The following CTNNA3 variants were observed in gnomAD, a reference collection of about 807,000 sequenced individuals.
CTNNA3 encodes catenin alpha-3.
A neutral mutation model predicts 95.7 loss-of-function variants in CTNNA3; 76 were observed. The ratio of observed to expected loss-of-function variants is 0.79; its 90% CI spans 0.66 to 0.96. The LOEUF is 0.96. Ranked by LOEUF, CTNNA3 falls within the 40% of genes least tolerant of loss-of-function variation. The pLI, the probability that CTNNA3 is intolerant of heterozygous loss-of-function variation, is 0.00. For missense variants in CTNNA3, 1,191 were observed against 1,089.8 expected (o/e 1.09, Z -1.31); for synonymous variants, 431 against 374.4 (o/e 1.15, Z -1.74).
intron 7 of CTNNA3, among the ~76,000 whole-genome samples, chr10:66,910,585 C>A (rs984709462): frequency 6.6e-6 from 1 of 152,176 alleles, no homozygotes; most frequent in Non-Finnish European, 1.5e-5. Context: ...TTCAGTACAA[C>A]TAAGACAGTC....
intron 7 of CTNNA3, among the ~76,000 whole-genome samples, chr10:66,945,079 A>C (rs1848210387): frequency 6.6e-6 from 1 of 152,196 alleles, no homozygotes; most frequent in Non-Finnish European, 1.5e-5. Context: ...TAAAGTCAGC[A>C]GCTGCACTAG....
intron 5 of CTNNA3, among the ~76,000 whole-genome samples, chr10:67,283,175 G>C (rs1248406551): frequency 1.3e-5 from 2 of 152,182 alleles, no homozygotes; most frequent in Non-Finnish European, 2.9e-5. Context: ...CACAAGCATG[G>C]TAGGAGAGGG....
intron 7 of CTNNA3, among the ~76,000 whole-genome samples, chr10:66,852,578 CT>C (rs1021314345): frequency 1.3e-5 from 2 of 152,040 alleles, no homozygotes; most frequent in African/African-American, 4.8e-5. Context: ...GTATCATCTC[CT>C]TTGCAGTGAC....
intron 17 of CTNNA3, among the ~76,000 whole-genome samples, chr10:65,951,808 C>T (rs1280140766): frequency 6.6e-6 from 1 of 152,144 alleles, no homozygotes; most frequent in African/African-American, 2.4e-5. Flanking sequence ...GGTGAGCGGA[C>T]CACGAGGTCA....
chr10:66,204,250 T>G (rs982774143), intron 13 of CTNNA3, among the ~76,000 whole-genome samples: 1 of 152,120 alleles, frequency 6.6e-6, no homozygotes, highest in Admixed American at 6.6e-5. Flanking sequence ...GTTGACAATG[T>G]TACCTGGTAG....
intron 1 of CTNNA3, among the ~76,000 whole-genome samples, chr10:67,654,843 C>T (rs907876262): frequency 2.6e-5 from 4 of 152,150 alleles, no homozygotes; most frequent in South Asian, 2.1e-4. Context: ...TTCTGATTTC[C>T]ATGCAAGAGT....
At chr10:66,514,380 G>A (rs1840766871) in intron 11 of CTNNA3, among the ~76,000 whole-genome samples, 1 of 151,930 alleles carries the variant, frequency 6.6e-6, no homozygotes, top group Non-Finnish European at 1.5e-5. Context: ...TGAATATGGG[G>A]GAAAAGTGAA....
At chr10:67,625,008 A>C (rs1347653670) in intron 2 of CTNNA3, among the ~76,000 whole-genome samples, 3 of 151,970 alleles carry the variant, frequency 2.0e-5, no homozygotes, top group African/African-American at 7.3e-5. Context: ...TATGTCCTTG[A>C]GAGCTTGACT....
intron 5 of CTNNA3, among the ~76,000 whole-genome samples, chr10:67,277,068 T>A (rs1285278240): frequency 6.6e-6 from 1 of 152,208 alleles, no homozygotes; most frequent in Non-Finnish European, 1.5e-5. Flanking sequence ...AGATACTACT[T>A]TAAAATGTTA....
chr10:67,744,669 A>C (rs867589779), intron 1 of CTNNA3, among the ~76,000 whole-genome samples: 89 of 151,204 alleles, frequency 5.9e-4, no homozygotes, highest in African/African-American at 1.8e-3. Context: ...TAATTAAACT[A>C]AAGAGTTTCT....
chr10:66,170,379 T>A (rs538360812), intron 13 of CTNNA3, among the ~76,000 whole-genome samples: 1 of 150,790 alleles, frequency 6.6e-6, no homozygotes, highest in African/African-American at 2.4e-5. Context: ...AATAAAACAC[T>A]AGATTGCATG....
intron 5 of CTNNA3, among the ~76,000 whole-genome samples, chr10:67,387,740 G>C (rs533832306): frequency 6.6e-6 from 1 of 152,190 alleles, no homozygotes; most frequent in African/African-American, 2.4e-5. Flanking sequence ...CTCCTCAAGT[G>C]GGTCCCTGAC....
At chr10:66,487,117 T>C (rs556083434) in intron 11 of CTNNA3, among the ~76,000 whole-genome samples, 3 of 149,092 alleles carry the variant, frequency 2.0e-5, no homozygotes, top group South Asian at 2.1e-4. Flanking sequence ...GGGAATCTAA[T>C]GTACAGCATG....
At chr10:66,256,490 C>G (rs938605672) in intron 13 of CTNNA3, among the ~76,000 whole-genome samples, 2 of 149,872 alleles carry the variant, frequency 1.3e-5, no homozygotes, top group African/African-American at 4.9e-5. Flanking sequence ...GAGGCCGAGG[C>G]GGGTGGATAA....
chr10:67,281,602 C>A (rs1303726436), intron 5 of CTNNA3, among the ~76,000 whole-genome samples: 4 of 152,030 alleles, frequency 2.6e-5, no homozygotes, highest in African/African-American at 9.7e-5. Context: ...TCAGCAGGGA[C>A]TCCTTATTAG....
intron 5 of CTNNA3, among the ~76,000 whole-genome samples, chr10:67,317,440 T>C (rs975289573): frequency 6.6e-6 from 1 of 151,252 alleles, no homozygotes; most frequent in African/African-American, 2.4e-5. Context: ...TCTTTTTTTT[T>C]TTTTGAGATT....
chr10:66,508,747 T>C (rs927666510), intron 11 of CTNNA3, among the ~76,000 whole-genome samples: 43 of 152,148 alleles, frequency 2.8e-4, no homozygotes, highest in Non-Finnish European at 8.8e-5. Flanking sequence ...TAGTATTCCA[T>C]GTGTATATAT....
chr10:66,758,066 A>G (rs190347011), intron 9 of CTNNA3, among the ~76,000 whole-genome samples: 3,546 of 151,666 alleles, frequency 0.023, 123 homozygotes, highest in African/African-American at 0.081. Flanking sequence ...AGTTATTTTC[A>G]TCCTATAAAA....
At position 67,180,238 on chromosome 10, in the gene CTNNA3, T is replaced by C. The variant is rs948939360; in HGVS notation, c.1047+79A>G. On this transcript the variant is annotated intron_variant, in intron 7 of 17. Transcript: ENST00000433211. ...CTCATTTGTAATTTACCCTATTTTG[T>C]ATACGGAAAGTATCTCAGCCTATAT... 12 of 1,180,448 alleles carry C rather than the reference T, an allele frequency of 1.0e-5. No homozygotes were observed. In the South Asian group the frequency reaches 1.5e-4, roughly 14 times the overall value. 73.1% of individuals were successfully genotyped at this position (1,180,448 alleles called of 1,614,324 possible).
Sources: allele counts gnomAD v4.1 joint callset (sites outside exome capture counted in the v4.1 genomes callset), GRCh38; gene constraint gnomAD v4.1.1; transcripts MANE v1.5; gene names NCBI Gene and HGNC (gene_info 2026-07-23, HGNC 2026-07-21).